The following RAPGEF2 variants were observed in gnomAD, a reference collection of about 807,000 sequenced individuals.
RAPGEF2 encodes the protein PDZ domain containing guanine nucleotide exchange factor (GEF) 1.
A neutral mutation model predicts 186.7 loss-of-function variants in RAPGEF2; 54 were observed. The observed-to-expected ratio is 0.29, with a 90% CI of 0.23 to 0.36. The LOEUF is 0.36. Among genes scored for constraint, RAPGEF2 ranks in the 10% least tolerant of loss-of-function variants. The probability of loss-of-function intolerance (pLI) is 1.00; values close to 1 mark genes in which losing one functional copy is unlikely to be tolerated. For missense variants in RAPGEF2, 1,532 were observed against 2,045.0 expected (o/e 0.75, Z 4.84); for synonymous variants, 712 against 705.9 (o/e 1.01, Z -0.14).
At chr4:159,117,108 A>C (rs1224705730) in intron 1 of RAPGEF2, among the ~76,000 whole-genome samples, 2 of 152,270 alleles carry the variant, frequency 1.3e-5, no homozygotes, top group African/African-American at 4.8e-5. Flanking sequence ...ATACATTTCT[A>C]AATGACTAGA....
At chr4:159,348,238 AGATAGATG>A (rs879540769) in intron 25 of RAPGEF2, among the ~76,000 whole-genome samples, 1,458 of 126,044 alleles carry the variant, frequency 0.012, 7 homozygotes, top group African/African-American at 0.025. Context: ...ATAGATAGAT[AGATAGATG>A]GATGGATGGA....
At chr4:159,148,770 C>T (rs1743210694) in intron 1 of RAPGEF2, among the ~76,000 whole-genome samples, 1 of 152,154 alleles carries the variant, frequency 6.6e-6, no homozygotes, top group Admixed American at 6.5e-5. Context: ...CATTCTGGTG[C>T]AACTGTCAAG....
At chr4:159,289,653 A>T (rs572977231) in intron 7 of RAPGEF2, among the ~76,000 whole-genome samples, 6 of 152,328 alleles carry the variant, frequency 3.9e-5, no homozygotes, top group African/African-American at 1.4e-4. Context: ...AAGAGTGATG[A>T]AAAAGACACA....
intron 4 of RAPGEF2, among the ~76,000 whole-genome samples, chr4:159,219,519 A>T (rs995632522): frequency 3.3e-5 from 5 of 151,558 alleles, no homozygotes; most frequent in African/African-American, 9.7e-5. Context: ...CCACGTCCGG[A>T]TAATTTTTTG....
chr4:159,237,833 T>A, intron 4 of RAPGEF2, among the ~76,000 whole-genome samples: 1 of 104,110 alleles, frequency 9.6e-6, no homozygotes, highest in African/African-American at 4.1e-5. Context: ...ACTTTGTCTC[T>A]ACAAAAATTA....
At position 159,339,125 on chromosome 4, in the gene RAPGEF2, C is replaced by G. The variant is rs1000802515; in HGVS notation, c.2305C>G (p.Gln769Glu). The G allele has an allele frequency of 6.2e-7, 1 of 1,613,280 alleles. No individual in the cohort carries two copies. The highest frequency in any genetic ancestry group is 8.5e-7 in the Non-Finnish European group (1 of 1,179,400). ...DFSATPDLPD[Q>E]VLRVFKADQQ... ...TTTCTTTCCCCCAGACTTGCCAGAT[C>G]AAGTGCTAAGGGTTTTTAAGGCTGA... Residue 769 changes from glutamine (Q) to glutamate (E), a missense_variant, in exon 19 of 30, where the codon CAA (glutamine) becomes GAA (glutamate). Coordinates refer to ENST00000691494, the MANE Select transcript of RAPGEF2 (RefSeq NM_001394067.2).
Position 159,104,029 on chromosome 4 carries a change from C to A in RAPGEF2, c.-134C>A, listed in dbSNP as rs1737490829. 2 of 297,550 alleles carry A rather than the reference C, an allele frequency of 6.7e-6. No homozygotes were observed. Among genetic ancestry groups the A allele is most frequent in the African/African-American group, 2.3e-5 (1 of 43,656 alleles). The allele number at this position is 297,550 out of a possible 1,614,324, so 18.4% of individuals were successfully genotyped here. ...CGCCCCCCCGCGGGCCCCGCGCCGC[C>A]GCCGCCGCGGTTTGGCTGATTAGTC... is the stretch of plus-strand genomic sequence containing the variant. On this transcript the variant is annotated 5_prime_UTR_variant, in exon 1 of 30. Coordinates refer to ENST00000691494, the MANE Select transcript of RAPGEF2 (RefSeq NM_001394067.2).
intron 4 of RAPGEF2, among the ~76,000 whole-genome samples, chr4:159,222,463 G>T (rs12502799): frequency 0.36 from 54,708 of 152,026 alleles, 10,289 homozygotes; most frequent in Non-Finnish European, 0.41. Context: ...AGAAGTCCTG[G>T]TTGCAGTGAT....
chr4:159,106,616 T>C (rs1737915929), intron 1 of RAPGEF2, among the ~76,000 whole-genome samples: 1 of 152,216 alleles, frequency 6.6e-6, no homozygotes, highest in Non-Finnish European at 1.5e-5. Flanking sequence ...TTTGCTTCCT[T>C]CTGTTTCTGA....
chr4:159,283,265 A>G, intron 7 of RAPGEF2, among the ~76,000 whole-genome samples: 1 of 152,286 alleles, frequency 6.6e-6, no homozygotes, highest in South Asian at 2.1e-4. Context: ...TTGAGAAACT[A>G]TTCATATAGA....
intron 7 of RAPGEF2, among the ~76,000 whole-genome samples, chr4:159,281,880 A>G (rs1759768525): frequency 6.6e-6 from 1 of 152,156 alleles, no homozygotes; most frequent in Non-Finnish European, 1.5e-5. Flanking sequence ...TCATGTCATC[A>G]GAATCTTTTT....
At chr4:159,277,256 T>C (rs913141347) in intron 7 of RAPGEF2, among the ~76,000 whole-genome samples, 1 of 152,186 alleles carries the variant, frequency 6.6e-6, no homozygotes, top group Non-Finnish European at 1.5e-5. Flanking sequence ...CATGAACTCA[T>C]CATTTTTTAT....
chr4:159,348,142 A>G (rs1029847031), intron 25 of RAPGEF2, among the ~76,000 whole-genome samples: 1 of 151,778 alleles, frequency 6.6e-6, no homozygotes, highest in Non-Finnish European at 1.5e-5. Context: ...AATCGCTTCA[A>G]CCTGGGGGGT....
intron 1 of RAPGEF2, among the ~76,000 whole-genome samples, 195 bp from the exon 2 acceptor site, chr4:159,186,447 T>A (rs1489809696): frequency 6.6e-6 from 1 of 152,094 alleles, no homozygotes; most frequent in Non-Finnish European, 1.5e-5. Context: ...TTAGTGCATA[T>A]CCCAGAAGCA....
chr4:159,208,910 A>G (rs570040799), intron 3 of RAPGEF2, among the ~76,000 whole-genome samples: 2 of 151,698 alleles, frequency 1.3e-5, no homozygotes, highest in South Asian at 2.1e-4. Flanking sequence ...TGTTTTTGAG[A>G]CAGAGTCTCT....
intron 1 of RAPGEF2, among the ~76,000 whole-genome samples, chr4:159,164,273 GGA>G (rs1437050426): frequency 0.01 from 1,580 of 151,558 alleles, 27 homozygotes; most frequent in African/African-American, 0.036. Flanking sequence ...CAAAGTGCTG[GGA>G]TTACAGGCGT....
chr4:159,267,844 A>C, intron 7 of RAPGEF2: 11 of 1,061,522 alleles, frequency 1.0e-5, no homozygotes, highest in Non-Finnish European at 1.2e-5. Context: ...CTTCAATCTC[A>C]GAAATGATCT....
intron 3 of RAPGEF2, among the ~76,000 whole-genome samples, chr4:159,194,024 T>C (rs1207455127): frequency 6.6e-6 from 1 of 151,990 alleles, no homozygotes; most frequent in African/African-American, 2.4e-5. Context: ...GCAAAATAAT[T>C]GTGAGAATGT....
rs1435440607 is a variant in RAPGEF2 at position 159,354,007 on chromosome 4, C to T, written c.4612C>T (p.His1538Tyr). 2 of 1,605,832 alleles carry T rather than the reference C, an allele frequency of 1.2e-6. No homozygotes were observed. Among genetic ancestry groups the T allele is most frequent in the East Asian group, 2.2e-5 (1 of 44,862 alleles). The change falls in exon 28 of 30, where the codon CAC becomes TAC. Residue 1538 changes from histidine to tyrosine, a missense_variant. Transcript: ENST00000691494. ...AACCAAGCCTGTCCCCATGCCTGCC[C>T]ACATAGCTGTGGCATCAAGTACTAC... is the stretch of plus-strand genomic sequence containing the variant. ...EETKPVPMPA[H>Y]IAVASSTTKG...
Sources: allele counts gnomAD v4.1 joint callset (sites outside exome capture counted in the v4.1 genomes callset), GRCh38; gene constraint gnomAD v4.1.1; transcripts MANE v1.5; gene names NCBI Gene and HGNC (gene_info 2026-07-23, HGNC 2026-07-21).